The following DPP10 variants were observed in gnomAD, a reference collection of about 807,000 sequenced individuals.
DPP10 encodes the protein dipeptidyl peptidase like 10.
DPP10 carries 33 observed loss-of-function variants against 120.9 expected under a neutral mutation model. The observed-to-expected ratio is 0.27, with a 90% CI of 0.21 to 0.37. DPP10 has a LOEUF of 0.37. Among genes scored for constraint, DPP10 ranks in the 10% least tolerant of loss-of-function variants. DPP10 has a pLI of 1.00. For missense variants in DPP10, 816 were observed against 942.8 expected (o/e 0.87, Z 1.76); for synonymous variants, 337 against 326.1 (o/e 1.03, Z -0.36).
intron 7 of DPP10, among the ~76,000 whole-genome samples, chr2:115,727,537 GATT>G (rs1245202572): frequency 2.0e-5 from 3 of 152,096 alleles, no homozygotes; most frequent in Non-Finnish European, 4.4e-5. Flanking sequence ...TATGGAGAGA[GATT>G]ATTAAGTAGT....
chr2:115,557,423 A>C (rs775014126), intron 5 of DPP10, among the ~76,000 whole-genome samples: 2 of 152,186 alleles, frequency 1.3e-5, no homozygotes, highest in South Asian at 4.1e-4. Context: ...ATGGCCGTAG[A>C]ATTATCCATC....
Position 114,551,834 on chromosome 2 carries a change from T to A in DPP10, c.60+108996T>A, listed in dbSNP as rs1687911698. On this transcript the variant is annotated intron_variant, in intron 1 of 25. Coordinates refer to ENST00000410059, the MANE Select transcript of DPP10 (RefSeq NM_020868.6). Reference sequence around the variant, plus strand: ...ACTGTTTGGAGTTTTTAATTCCCTCTGATCTTAAGGTTATATTGCAGTTCA... The same window carrying A: ...ACTGTTTGGAGTTTTTAATTCCCTCAGATCTTAAGGTTATATTGCAGTTCA... Among the ~76,000 whole-genome samples, 3 of 152,238 alleles carry A rather than the reference T, an allele frequency of 2.0e-5. 1 individual carries two copies. Among genetic ancestry groups the A allele is most frequent in the Admixed American group, 2.0e-4 (3 of 15,280 alleles).
intron 11 of DPP10, among the ~76,000 whole-genome samples, chr2:115,759,502 CAAA>C: frequency 6.6e-6 from 1 of 151,036 alleles, no homozygotes; most frequent in African/African-American, 2.4e-5. Flanking sequence ...ACTAAAATAA[CAAA>C]AAACTGACAA....
chr2:115,235,088 G>T (rs1385284936), intron 1 of DPP10, among the ~76,000 whole-genome samples: 3 of 152,068 alleles, frequency 2.0e-5, no homozygotes, highest in Non-Finnish European at 4.4e-5. Context: ...AGCTTTCATT[G>T]TGCACTTGCT....
intron 1 of DPP10, among the ~76,000 whole-genome samples, chr2:115,107,999 A>G (rs1391699896): frequency 6.6e-6 from 1 of 152,188 alleles, no homozygotes; most frequent in African/African-American, 2.4e-5. Flanking sequence ...CATAAAATTA[A>G]TCTTTTCAGA....
At chr2:114,976,797 G>T (rs574512376) in intron 1 of DPP10, among the ~76,000 whole-genome samples, 2 of 152,236 alleles carry the variant, frequency 1.3e-5, no homozygotes, top group Non-Finnish European at 2.9e-5. Flanking sequence ...TAGTTTGCAG[G>T]TTCAATGATC....
In DPP10 at chr2:115,702,884, T is replaced by A. The variant is rs554365122; in HGVS notation, c.576+12963T>A. Among the ~76,000 whole-genome samples, 3 of 152,218 alleles carry A rather than the reference T, an allele frequency of 2.0e-5. No homozygotes were observed. The East Asian group carries it at 5.8e-4, about 29-fold the overall frequency. On this transcript the variant is annotated intron_variant, in intron 7 of 25. Transcript: ENST00000410059. ...ATAGGTGTTTTTCTAAAGAAAGAAC[T>A]GGTAAGTCCTACAACAGTAAGTTAG...
At chr2:114,490,140 G>T (rs1208700575) in intron 1 of DPP10, among the ~76,000 whole-genome samples, 3 of 152,152 alleles carry the variant, frequency 2.0e-5, no homozygotes, top group Non-Finnish European at 2.9e-5. Flanking sequence ...TCCTCGAAGG[G>T]TTAATTTCTC....
chr2:114,820,471 TA>T lies in DPP10; in HGVS notation c.60+377636del, dbSNP rs1298356561. On this transcript the variant is annotated intron_variant, in intron 1 of 25. Transcript: ENST00000410059. ...GTATCTATTAAGCAGTAAATACCTG[TA>T]AACATCCTGCATTAGACTGTTCTCA... Among the ~76,000 whole-genome samples the T allele has an allele frequency of 7.9e-5, 12 of 152,314 alleles. 1 individual carries two copies. The highest frequency in any genetic ancestry group is 3.4e-3 in the Middle Eastern group (1 of 294).
chr2:115,167,289 C>CA (rs2052952827), intron 1 of DPP10, among the ~76,000 whole-genome samples: 1 of 150,836 alleles, frequency 6.6e-6, no homozygotes, highest in Admixed American at 6.6e-5. Context: ...GGGCCTGGTG[C>CA]AGTGGCTCCC....
At chr2:115,419,707 ATC>A (rs1574787524) in intron 3 of DPP10, among the ~76,000 whole-genome samples, 4 of 152,214 alleles carry the variant, frequency 2.6e-5, no homozygotes, top group Non-Finnish European at 2.9e-5. Flanking sequence ...AATAGGTGAT[ATC>A]TCTCTATTCC....
At chr2:114,923,974 T>C (rs2106636607) in intron 1 of DPP10, among the ~76,000 whole-genome samples, 1 of 152,258 alleles carries the variant, frequency 6.6e-6, no homozygotes, top group African/African-American at 2.4e-5. Context: ...TCCTCCTCCC[T>C]TAGGCTCTCA....
At chr2:114,845,713 G>A (rs1574329212) in intron 1 of DPP10, among the ~76,000 whole-genome samples, 1 of 152,148 alleles carries the variant, frequency 6.6e-6, no homozygotes, top group Non-Finnish European at 1.5e-5. Flanking sequence ...AGAAATATCC[G>A]TGGATTTGCA....
At chr2:114,517,376 C>T (rs1684678668) in intron 1 of DPP10, among the ~76,000 whole-genome samples, 1 of 152,054 alleles carries the variant, frequency 6.6e-6, no homozygotes, top group African/African-American at 2.4e-5. Flanking sequence ...TAAAATTAGC[C>T]AGGTGTAGTG....
At chr2:115,644,002 C>T (rs932505629) in intron 5 of DPP10, among the ~76,000 whole-genome samples, 1 of 152,126 alleles carries the variant, frequency 6.6e-6, no homozygotes, top group African/African-American at 2.4e-5. Context: ...TCCATTAGCA[C>T]CTGACTGGCC....
chr2:115,138,415 T>C (rs1241914612), intron 1 of DPP10, among the ~76,000 whole-genome samples: 3 of 152,218 alleles, frequency 2.0e-5, no homozygotes, highest in South Asian at 2.1e-4. Context: ...GAGTGGCATT[T>C]TGAAAATAAA....
rs111488513 is a variant in DPP10 at position 114,468,626 on chromosome 2, G to A, written c.60+25788G>A. On this transcript the variant is annotated intron_variant, in intron 1 of 25. Transcript: ENST00000410059. ...ATCTGAAATAGTGTACATTTGCTGT[G>A]AAAATGTGTAGAAAATAGAACTCTT... 7.0e-4 allele frequency among the ~76,000 whole-genome samples: 107 copies of A among 152,154 alleles called. 2 individuals carry two copies. Among genetic ancestry groups the A allele is most frequent in the African/African-American group, 2.6e-3 (106 of 41,516 alleles).
At chr2:115,510,787 A>C (rs2077182515) in intron 4 of DPP10, among the ~76,000 whole-genome samples, 1 of 152,090 alleles carries the variant, frequency 6.6e-6, no homozygotes. Flanking sequence ...ATGTCTTTTA[A>C]TTTATTTAGA....
intron 1 of DPP10, among the ~76,000 whole-genome samples, chr2:115,068,554 C>T (rs147818018): frequency 1.3e-5 from 2 of 152,212 alleles, no homozygotes; most frequent in African/African-American, 4.8e-5. Context: ...CTTTGTTATA[C>T]AGAAGCTTTT....
Sources: allele counts gnomAD v4.1 joint callset (sites outside exome capture counted in the v4.1 genomes callset), GRCh38; gene constraint gnomAD v4.1.1; transcripts MANE v1.5; gene names NCBI Gene and HGNC (gene_info 2026-07-23, HGNC 2026-07-21).